Variants in SH3GL2 observed in about 807,000 individuals in gnomAD.
The protein encoded by SH3GL2 is endophilin-A1.
SH3GL2 carries 24 observed loss-of-function variants against 46.0 expected under a neutral mutation model. The observed-to-expected ratio is 0.52, with a 90% CI of 0.38 to 0.73. The LOEUF is 0.73. Ranked by LOEUF, SH3GL2 falls within the 30% of genes least tolerant of loss-of-function variation. SH3GL2 has a pLI of 0.00. For missense variants in SH3GL2, 413 were observed against 424.2 expected, an observed-to-expected ratio of 0.97 and a Z score of 0.23; for synonymous variants, 196 against 147.1, an observed-to-expected ratio of 1.33 and a Z score of -2.40.
intron 1 of SH3GL2, among the ~76,000 whole-genome samples, chr9:17,703,678 C>T (rs1376485600): frequency 6.6e-6 from 1 of 152,058 alleles, no homozygotes; most frequent in Non-Finnish European, 1.5e-5. Context: ...TGATTCGTCA[C>T]ATACACAGAA....
At chr9:17,624,263 G>A (rs1014868493) in intron 1 of SH3GL2, among the ~76,000 whole-genome samples, 17 of 152,132 alleles carry the variant, frequency 1.1e-4, no homozygotes, top group African/African-American at 3.9e-4. Context: ...CTTTCACAGT[G>A]TTGTCTAGTT....
intron 1 of SH3GL2, among the ~76,000 whole-genome samples, chr9:17,643,649 A>G (rs893488737): frequency 6.6e-6 from 1 of 152,146 alleles, no homozygotes; most frequent in Admixed American, 6.5e-5. Flanking sequence ...TGATTTGTAT[A>G]TGTTGAAGCA....
intron 1 of SH3GL2, among the ~76,000 whole-genome samples, chr9:17,712,215 T>C (rs1821644587): frequency 6.6e-6 from 1 of 151,864 alleles, no homozygotes; most frequent in African/African-American, 2.4e-5. Flanking sequence ...GGATACAAAT[T>C]CTTTATCATA....
chr9:17,679,131 A>G (rs1038818075), intron 1 of SH3GL2, among the ~76,000 whole-genome samples: 1 of 152,076 alleles, frequency 6.6e-6, no homozygotes, highest in African/African-American at 2.4e-5. Flanking sequence ...TTTTGGTTCC[A>G]TATGAACTTT....
At chr9:17,671,932 C>T (rs1305317222) in intron 1 of SH3GL2, among the ~76,000 whole-genome samples, 1 of 152,142 alleles carries the variant, frequency 6.6e-6, no homozygotes, top group Non-Finnish European at 1.5e-5. Context: ...GTTACCTCAA[C>T]AAAGATTGTA....
At chr9:17,579,736 C>T (rs901179919) in intron 1 of SH3GL2, among the ~76,000 whole-genome samples, 1 of 152,122 alleles carries the variant, frequency 6.6e-6, no homozygotes, top group African/African-American at 2.4e-5. Context: ...CTGGGGGTGG[C>T]GGGGCGGAGG....
chr9:17,747,520 C>T (rs1822726683), intron 2 of SH3GL2, among the ~76,000 whole-genome samples: 1 of 152,110 alleles, frequency 6.6e-6, no homozygotes, highest in Non-Finnish European at 1.5e-5. Flanking sequence ...GCTTTAAGGA[C>T]CTTCCTTACT....
At chr9:17,642,724 G>A (rs907791520) in intron 1 of SH3GL2, among the ~76,000 whole-genome samples, 1 of 152,072 alleles carries the variant, frequency 6.6e-6, no homozygotes, top group Non-Finnish European at 1.5e-5. Context: ...ATCTGTTTTG[G>A]TATGAGTACC....
chr9:17,787,049 C>T (rs953730976), intron 4 of SH3GL2, among the ~76,000 whole-genome samples: 18 of 152,246 alleles, frequency 1.2e-4, no homozygotes, highest in African/African-American at 3.1e-4. Context: ...TGGTTGAACC[C>T]GGCTATTTCT....
intron 3 of SH3GL2, among the ~76,000 whole-genome samples, chr9:17,765,751 C>A (rs1823300925): frequency 6.6e-6 from 1 of 152,160 alleles, no homozygotes; most frequent in Non-Finnish European, 1.5e-5. Flanking sequence ...GTAATCCCAG[C>A]TGCTTTTCAG....
At chr9:17,763,483 G>A (rs1449358097) in intron 3 of SH3GL2, among the ~76,000 whole-genome samples, 5 of 152,178 alleles carry the variant, frequency 3.3e-5, no homozygotes, top group Non-Finnish European at 7.4e-5. Flanking sequence ...AAGGCCACGT[G>A]AAGAATGAGA....
intron 1 of SH3GL2, among the ~76,000 whole-genome samples, chr9:17,587,181 G>A (rs1563772495): frequency 6.6e-6 from 1 of 152,074 alleles, no homozygotes; most frequent in African/African-American, 2.4e-5. Flanking sequence ...CAGCCTGGGC[G>A]ACAGAGCGAG....
chr9:17,581,441 G>C (rs1818275475), intron 1 of SH3GL2, among the ~76,000 whole-genome samples: 1 of 152,138 alleles, frequency 6.6e-6, no homozygotes, highest in Non-Finnish European at 1.5e-5. Context: ...CCATAATTTA[G>C]TGTAGCACAC....
intron 1 of SH3GL2, among the ~76,000 whole-genome samples, chr9:17,646,934 C>T (rs528224497): frequency 1.2e-4 from 18 of 152,272 alleles, no homozygotes; most frequent in South Asian, 6.2e-4. Flanking sequence ...TCTTCAGAGC[C>T]GGCAGGCAGA....
intron 1 of SH3GL2, among the ~76,000 whole-genome samples, chr9:17,606,134 C>T (rs1355752019): frequency 6.6e-6 from 1 of 151,992 alleles, no homozygotes; most frequent in African/African-American, 2.4e-5. Flanking sequence ...ACTCTGTTGC[C>T]CAGGCTGGAG....
chr9:17,653,152 T>C (rs965073558), intron 1 of SH3GL2, among the ~76,000 whole-genome samples: 2 of 152,206 alleles, frequency 1.3e-5, no homozygotes, highest in African/African-American at 4.8e-5. Context: ...ATTTTCATCA[T>C]GATTACTTTT....
intron 1 of SH3GL2, among the ~76,000 whole-genome samples, chr9:17,738,605 A>G (rs1358421584): frequency 1.1e-5 from 1 of 93,028 alleles, no homozygotes; most frequent in African/African-American, 3.6e-5. Context: ...ATTTTATTTC[A>G]AGGAATTGCC....
Position 17,789,550 on chromosome 9 carries a change from T to G in SH3GL2, c.624T>G (p.Asp208Glu). The G allele has an allele frequency of 6.2e-7, 1 of 1,613,234 alleles. No individual in the cohort carries two copies. The highest frequency in any genetic ancestry group is 8.5e-7 in the Non-Finnish European group (1 of 1,179,372). Residue 208 changes from aspartate (D) to glutamate (E), a missense_variant and splice_region_variant, in exon 6 of 9, where the codon GAT becomes GAG. Asp to Glu is a conservative substitution (Grantham distance 45, BLOSUM62 2). This residue lies in a region of SH3GL2 where 248 missense variants were observed against 215.0 expected (regional missense o/e 1.15). Coordinates refer to ENST00000380607, the MANE Select transcript of SH3GL2 (RefSeq NM_003026.5). ...GCATGTTCAATCTCTTGGAGATGGA[T>G]GTAAGTGACTCCTGTGGTTTTCAAT... Reference protein sequence around the residue: ...ESSMFNLLEMDIEQVSQLSAL... With the variant: ...ESSMFNLLEMEIEQVSQLSAL...
At chr9:17,687,888 G>A (rs572848041) in intron 1 of SH3GL2, among the ~76,000 whole-genome samples, 3 of 152,174 alleles carry the variant, frequency 2.0e-5, no homozygotes, top group African/African-American at 7.2e-5. Context: ...TTACCATGGC[G>A]AGGATTGCTG....
Sources: gnomAD v4.1 joint callset for allele counts (sites outside exome capture counted in the v4.1 genomes callset) on GRCh38, gnomAD v4.1.1 for gene constraint, gnomAD v4.1.1 regional missense constraint, MANE v1.5 for transcripts, NCBI Gene and HGNC (gene_info 2026-07-23, HGNC 2026-07-21) for gene names.